SLC4A10: variants seen among roughly 807,000 people sequenced by gnomAD.
SLC4A10 encodes sodium-driven chloride bicarbonate exchanger.
SLC4A10 carries 42 observed loss-of-function variants against 137.7 expected under a neutral mutation model. The observed-to-expected ratio is 0.30, with a 90% confidence interval of 0.24 to 0.39. The LOEUF (loss-of-function observed/expected upper bound fraction) is 0.39. Among genes scored for constraint, SLC4A10 ranks in the 10% least tolerant of loss-of-function variants. The pLI, the probability that SLC4A10 is intolerant of heterozygous loss-of-function variation, is 1.00. For synonymous variants in SLC4A10, 474 were observed against 464.1 expected (o/e 1.02, Z -0.27); for missense variants, 925 against 1,355.0 (o/e 0.68, Z 4.98).
At chr2:161,776,087 G>T (rs767870462) in intron 2 of SLC4A10, among the ~76,000 whole-genome samples, 3 of 151,832 alleles carry the variant, frequency 2.0e-5, no homozygotes, top group Non-Finnish European at 4.4e-5. Context: ...GCTGAAATTG[G>T]TGCTACTAGT....
intron 6 of SLC4A10, among the ~76,000 whole-genome samples, chr2:161,867,083 T>C (rs2060805924): frequency 2.0e-5 from 3 of 151,946 alleles, no homozygotes; most frequent in Non-Finnish European, 2.9e-5. Flanking sequence ...CGCCATAAGT[T>C]ACTGAAAAGC....
rs1558906529 is a variant in SLC4A10 at position 161,633,386 on chromosome 2, G to T, written c.48+8820G>T. Among the ~76,000 whole-genome samples, 2 of 151,826 alleles carry T rather than the reference G, an allele frequency of 1.3e-5. 1 individual carries two copies. The highest frequency in any genetic ancestry group is 4.1e-4 in the South Asian group (2 of 4,820). ...GAACTCCTTGTTAAATATATCATGG[G>T]TAATAGATTAAGCAGCAACACTAGC... On this transcript the variant is annotated intron_variant, in intron 1 of 26. Coordinates refer to ENST00000446997, the MANE Select transcript of SLC4A10 (RefSeq NM_001178015.2).
intron 15 of SLC4A10, among the ~76,000 whole-genome samples, chr2:161,921,972 G>A (rs1282569104): frequency 1.3e-5 from 2 of 152,136 alleles, no homozygotes; most frequent in African/African-American, 4.8e-5. Flanking sequence ...AAGGCTGCCT[G>A]CTATGGGCCA....
intron 3 of SLC4A10, among the ~76,000 whole-genome samples, chr2:161,816,162 A>G (rs1241761981): frequency 1.3e-5 from 2 of 152,206 alleles, no homozygotes; most frequent in African/African-American, 2.4e-5. Flanking sequence ...GTGAGAATAT[A>G]TGACATTTCC....
At chr2:161,760,979 A>C (rs1424898280) in intron 1 of SLC4A10, among the ~76,000 whole-genome samples, 1 of 152,086 alleles carries the variant, frequency 6.6e-6, no homozygotes, top group African/African-American at 2.4e-5. Context: ...ATATAAAAGA[A>C]GGAAATCCTG....
intron 15 of SLC4A10, among the ~76,000 whole-genome samples, chr2:161,925,500 C>G (rs1688913108): frequency 6.6e-6 from 1 of 152,074 alleles, no homozygotes. Context: ...TTCAAAAAAC[C>G]AGCTCCTGGA....
intron 1 of SLC4A10, among the ~76,000 whole-genome samples, chr2:161,679,330 C>T (rs1303859491): frequency 6.6e-6 from 1 of 151,982 alleles, no homozygotes; most frequent in East Asian, 1.9e-4. Flanking sequence ...AGCACAAAAT[C>T]TTTTTATTTA....
At chr2:161,849,778 T>C (rs1416180996) in intron 4 of SLC4A10, among the ~76,000 whole-genome samples, 2 of 152,210 alleles carry the variant, frequency 1.3e-5, no homozygotes, top group African/African-American at 4.8e-5. Flanking sequence ...ATTAGCTTTT[T>C]GATGTGCTGC....
intron 10 of SLC4A10, among the ~76,000 whole-genome samples, chr2:161,892,209 G>A (rs889150311): frequency 6.6e-6 from 1 of 152,044 alleles, no homozygotes; most frequent in Non-Finnish European, 1.5e-5. Flanking sequence ...ATAGAATAAT[G>A]TGATCTCGCA....
At chr2:161,743,191 C>T (rs1275754759) in intron 1 of SLC4A10, among the ~76,000 whole-genome samples, 1 of 152,136 alleles carries the variant, frequency 6.6e-6, no homozygotes, top group South Asian at 2.1e-4. Flanking sequence ...GAAATCTTTG[C>T]CCAGACTGAT....
intron 15 of SLC4A10, among the ~76,000 whole-genome samples, chr2:161,919,547 C>A (rs1687757207): frequency 6.6e-6 from 1 of 152,172 alleles, no homozygotes; most frequent in East Asian, 1.9e-4. Flanking sequence ...GCTACCCTCA[C>A]TGGTCTCTTC....
intron 1 of SLC4A10, among the ~76,000 whole-genome samples, chr2:161,719,521 G>C (rs900720718): frequency 6.6e-5 from 10 of 152,240 alleles, no homozygotes; most frequent in South Asian, 2.1e-4. Flanking sequence ...CCCACCAACA[G>C]TGTAAAAGTG....
chr2:161,746,870 A>G (rs1473806146), intron 1 of SLC4A10, among the ~76,000 whole-genome samples: 1 of 151,980 alleles, frequency 6.6e-6, no homozygotes, highest in Non-Finnish European at 1.5e-5. Flanking sequence ...CACTCTAGAA[A>G]TGTTGTCGAG....
chr2:161,745,134 G>T (rs1318288508), intron 1 of SLC4A10, among the ~76,000 whole-genome samples: 1 of 152,000 alleles, frequency 6.6e-6, no homozygotes. Context: ...TCATCTCTTT[G>T]AATACACTTT....
In SLC4A10 at chr2:161,983,300, AT is replaced by A; in HGVS notation, c.*149del. On this transcript the variant is annotated 3_prime_UTR_variant, in exon 27 of 27. Transcript: ENST00000446997. The stretch of plus-strand genomic sequence containing the variant: ...TATGAGAAGAGTGTCACAATTATTA[AT>A]AAAACTGCTTTGATCATGTATTGTA... 6.9e-7 allele frequency: 1 copy of A among 1,459,820 alleles called. No individual in the cohort carries two copies. The highest frequency in any genetic ancestry group is 1.2e-5 in the South Asian group (1 of 81,294). The allele number at this position is 1,459,820 out of a possible 1,614,324, so 90.4% of individuals were successfully genotyped here.
At chr2:161,781,260 C>T (rs754475240) in intron 2 of SLC4A10, among the ~76,000 whole-genome samples, 2 of 152,120 alleles carry the variant, frequency 1.3e-5, no homozygotes, top group African/African-American at 4.8e-5. Context: ...GGACTAATGT[C>T]CTTTTATGTA....
At chr2:161,815,381 T>TCTTCTGCCGC (rs967982577) in intron 3 of SLC4A10, among the ~76,000 whole-genome samples, 6 of 152,140 alleles carry the variant, frequency 3.9e-5, no homozygotes, top group African/African-American at 1.4e-4. Context: ...GCTCGCTCGC[T>TCTTCTGCCGC]CTTCTGCCGC....
intron 1 of SLC4A10, among the ~76,000 whole-genome samples, chr2:161,724,998 G>A (rs1356448392): frequency 6.6e-6 from 1 of 152,108 alleles, no homozygotes; most frequent in Non-Finnish European, 1.5e-5. Context: ...TTTCTTTAAA[G>A]CCATAACTTA....
intron 2 of SLC4A10, among the ~76,000 whole-genome samples, chr2:161,772,750 A>C (rs1359180333): frequency 6.6e-6 from 1 of 151,930 alleles, no homozygotes; most frequent in Admixed American, 6.6e-5. Flanking sequence ...AACAGGAAAA[A>C]AATCTGGTTT....
Sources: gnomAD v4.1 joint callset for allele counts (sites outside exome capture counted in the v4.1 genomes callset) on GRCh38, gnomAD v4.1.1 for gene constraint, MANE v1.5 for transcripts, NCBI Gene and HGNC (gene_info 2026-07-23, HGNC 2026-07-21) for gene names.